The following CERK variants were observed in gnomAD, a reference collection of about 807,000 sequenced individuals.
CERK encodes ceramide kinase.
In CERK, 39 loss-of-function variants were observed where a neutral mutation model predicts 63.4. The observed-to-expected ratio is 0.61, with a 90% confidence interval of 0.48 to 0.80. CERK has a LOEUF of 0.80. Ranked by LOEUF, CERK falls within the 30% of genes least tolerant of loss-of-function variation. The pLI is 0.00. For missense variants in CERK, 670 were observed against 714.1 expected (o/e 0.94, Z 0.70); for synonymous variants, 302 against 280.0 (o/e 1.08, Z -0.78).
rs1195347961 is a variant in CERK, at chr22:46,686,854, C to T, written c.*280G>A. ...CTAACGGGCCATTTTCTAAACTACA[C>T]TGTTGACATCGTTAAAACCTAAGAG... On this transcript the variant is annotated 3_prime_UTR_variant, in exon 13 of 13. Transcript: ENST00000216264. 9.6e-6 allele frequency: 4 copies of T among 415,946 alleles called. No homozygotes were observed. In the East Asian group the frequency reaches 1.3e-4, roughly 14 times the overall value. The allele number at this position is 415,946 out of a possible 1,614,324, so 25.8% of individuals were successfully genotyped here. A position where few individuals can be genotyped will look rare whatever the true frequency, so the allele number is the denominator to read the frequency against.
chr22:46,710,954 T>C, intron 5 of CERK, 132 bp downstream of exon 5: 2 of 665,256 alleles, frequency 3.0e-6, no homozygotes, highest in South Asian at 1.9e-5. Context: ...GTAAGAAGCA[T>C]GTTTACTTTT....
intron 3 of CERK, among the ~76,000 whole-genome samples, chr22:46,712,592 A>G (rs2146570554): frequency 6.6e-6 from 1 of 152,326 alleles, no homozygotes; most frequent in East Asian, 1.9e-4. Context: ...GCTGTCGGGT[A>G]CACATGCTGG....
intron 9 of CERK, 92 bp downstream of exon 9, chr22:46,695,118 A>G: frequency 1.4e-6 from 1 of 729,412 alleles, no homozygotes; most frequent in Non-Finnish European, 2.3e-6. Flanking sequence ...ACCTTCCACC[A>G]CATTTGGAAA....
Position 46,719,148 on chromosome 22 carries a change from T to TTGTGTGTGTGTGTG in CERK, c.379+924_379+937dup, listed in dbSNP as rs10583580. 4.1e-3 allele frequency among the ~76,000 whole-genome samples: 610 copies of TTGTGTGTGTGTGTG among 149,996 alleles called. 6 individuals carry two copies. The highest frequency in any genetic ancestry group is 0.013 in the African/African-American group (549 of 40,780). The stretch of plus-strand genomic sequence containing the variant: ...ACAAAATGAATGAACACCTACCACT[T>TTGTGTGTGTGTGTG]TGTGTGTGTGTGTGTGTGTGTGTGT... On this transcript the variant is annotated intron_variant, in intron 3 of 12. Coordinates refer to ENST00000216264, the MANE Select transcript of CERK (RefSeq NM_022766.6).
At position 46,691,565 on chromosome 22, in the gene CERK, C is replaced by A; in HGVS notation, c.1332+7G>T. The A allele has an allele frequency of 6.2e-7, 1 of 1,612,400 alleles. No homozygotes were observed. Among genetic ancestry groups the A allele is most frequent in the Non-Finnish European group, 8.5e-7 (1 of 1,179,120 alleles). On this transcript the variant is annotated splice_region_variant and intron_variant, in intron 11 of 12. Coordinates refer to ENST00000216264, the MANE Select transcript of CERK (RefSeq NM_022766.6). ...GTGGAGGCTCCATGCAAGAGCACCC[C>A]ACTTACCTGGTCCTGCTGGTTGGTG...
intron 4 of CERK, among the ~76,000 whole-genome samples, chr22:46,711,771 T>C (rs926682554): frequency 1.3e-5 from 2 of 152,232 alleles, no homozygotes; most frequent in African/African-American, 4.8e-5. Flanking sequence ...AAGTTCTATT[T>C]TGTTTAAAAT....
chr22:46,707,732 G>T (rs1054692474), intron 6 of CERK, 111 bp downstream of exon 6: 1 of 1,244,514 alleles, frequency 8.0e-7, no homozygotes, highest in Non-Finnish European at 1.1e-6. Context: ...AAATCTGTAC[G>T]AACTAAACTG....
chr22:46,709,443 A>C (rs998913406), intron 5 of CERK, among the ~76,000 whole-genome samples: 1 of 152,146 alleles, frequency 6.6e-6, no homozygotes, highest in Non-Finnish European at 1.5e-5. Flanking sequence ...GGAGATGTGC[A>C]TGGAGGAGCC....
chr22:46,712,791 C>T (rs1163633998), intron 3 of CERK, among the ~76,000 whole-genome samples: 1 of 152,080 alleles, frequency 6.6e-6, no homozygotes, highest in Non-Finnish European at 1.5e-5. Flanking sequence ...TCTCCAGGGG[C>T]CCCGCCAAAC....
chr22:46,713,517 A>G (rs2082852703), intron 3 of CERK, among the ~76,000 whole-genome samples: 1 of 150,734 alleles, frequency 6.6e-6, no homozygotes, highest in African/African-American at 2.4e-5. Flanking sequence ...TCAAAAAAAA[A>G]AAAAAAAAAA....
At chr22:46,687,723 C>G (rs978935184) in intron 12 of CERK, among the ~76,000 whole-genome samples, 4 of 152,160 alleles carry the variant, frequency 2.6e-5, no homozygotes, top group African/African-American at 9.7e-5. Context: ...CCAGCAAGAG[C>G]CTTCGGGCTT....
In CERK at chr22:46,686,811, A is replaced by G; in HGVS notation, c.*323T>C. On this transcript the variant is annotated 3_prime_UTR_variant, in exon 13 of 13. Coordinates refer to ENST00000216264, the MANE Select transcript of CERK (RefSeq NM_022766.6). ...GTGGAAATCATATAATGTCCCTAACATTATTGCAATAGAGCCACTAACGGG... is the reference window on the plus strand; with the variant it reads ...GTGGAAATCATATAATGTCCCTAACGTTATTGCAATAGAGCCACTAACGGG... 1 of 297,290 alleles carries G rather than the reference A, an allele frequency of 3.4e-6. No individual in the cohort carries two copies. Among genetic ancestry groups the G allele is most frequent in the Non-Finnish European group, 6.5e-6 (1 of 153,988 alleles). 18.4% of individuals were successfully genotyped at this position (297,290 alleles called of 1,614,324 possible).
intron 12 of CERK, among the ~76,000 whole-genome samples, chr22:46,688,352 A>G (rs1048939188): frequency 2.0e-5 from 3 of 152,248 alleles, no homozygotes; most frequent in Non-Finnish European, 4.4e-5. Context: ...TGATTTTCAA[A>G]TTATTCTATT....
chr22:46,690,209 A>C lies in CERK; in HGVS notation c.1333-9T>G. 1 of 1,612,666 alleles carries C rather than the reference A, an allele frequency of 6.2e-7. No individual in the cohort carries two copies. The highest frequency in any genetic ancestry group is 8.5e-7 in the Non-Finnish European group (1 of 1,179,218). On this transcript the variant is annotated splice_polypyrimidine_tract_variant and intron_variant, in intron 11 of 12. Transcript: ENST00000216264. ...ACAAAAGTGAAGTCAAACTACCAAGAAACAGTGAGAGGGACCATTCAGCTC... is the reference window on the plus strand; with the variant it reads ...ACAAAAGTGAAGTCAAACTACCAAGCAACAGTGAGAGGGACCATTCAGCTC...
intron 3 of CERK, among the ~76,000 whole-genome samples, chr22:46,717,846 C>G (rs895695135): frequency 1.3e-5 from 2 of 152,110 alleles, no homozygotes; most frequent in South Asian, 4.1e-4. Context: ...TTTGGGAGGC[C>G]GAGGTAGGCG....
At chr22:46,722,535 T>G (rs2082897436) in intron 1 of CERK, among the ~76,000 whole-genome samples, 1 of 148,262 alleles carries the variant, frequency 6.7e-6, no homozygotes, top group South Asian at 2.1e-4. Flanking sequence ...CCCTCCGGTG[T>G]GCCCCACCTG....
At chr22:46,719,213 G>A (rs1218184392) in intron 3 of CERK, among the ~76,000 whole-genome samples, 1 of 147,360 alleles carries the variant, frequency 6.8e-6, no homozygotes, top group East Asian at 1.9e-4. Context: ...AAGTTCACGG[G>A]TACATGTGCA....
intron 9 of CERK, 149 bp from the exon 10 acceptor site, chr22:46,693,652 A>C (rs759305756): frequency 3.2e-6 from 2 of 633,046 alleles, no homozygotes; most frequent in Non-Finnish European, 5.6e-6. Context: ...CATATTAATT[A>C]GAGGTTTCAG....
rs1165389202 is a variant in CERK, at chr22:46,712,173, A to T, written c.500T>A (p.Ile167Asn). The change falls in exon 4 of 13, where the codon ATC becomes AAC. Residue 167 changes from isoleucine to asparagine, a missense_variant. Coordinates refer to ENST00000216264, the MANE Select transcript of CERK (RefSeq NM_022766.6). Reference sequence around the variant, plus strand: ...GTTAACATAGAATTTGTTACCGATGATGTCAGTGGTGATGGAGGCTAAGGT... The same window carrying T: ...GTTAACATAGAATTTGTTACCGATGTTGTCAGTGGTGATGGAGGCTAAGGT... ...LFTLASITTD[I>N]IVTEHANQAK... 1 of 1,614,060 alleles carries T rather than the reference A, an allele frequency of 6.2e-7. No homozygotes were observed. Among genetic ancestry groups the T allele is most frequent in the South Asian group, 1.1e-5 (1 of 91,026 alleles).
Sources: gnomAD v4.1 joint callset for allele counts (sites outside exome capture counted in the v4.1 genomes callset) on GRCh38, gnomAD v4.1.1 for gene constraint, MANE v1.5 for transcripts, NCBI Gene and HGNC (gene_info 2026-07-23, HGNC 2026-07-21) for gene names.